The following SLC35F4 variants were observed in gnomAD, a reference collection of about 807,000 sequenced individuals.
SLC35F4 encodes the protein chromosome 14 open reading frame 36.
In SLC35F4, 24 loss-of-function variants were observed where a neutral mutation model predicts 44.2. That is an observed-to-expected ratio of 0.54 (90% CI 0.39 to 0.76). SLC35F4 has a LOEUF of 0.76. SLC35F4 is among the 30% of genes least tolerant of loss of function. The probability of loss-of-function intolerance (pLI) is 0.00; values close to 1 mark genes in which losing one functional copy is unlikely to be tolerated. For synonymous variants in SLC35F4, 238 were observed against 223.6 expected (o/e 1.06, Z -0.57); for missense variants, 562 against 586.1 (o/e 0.96, Z 0.42).
At chr14:57,739,509 A>G (rs1428084088) in intron 1 of SLC35F4, among the ~76,000 whole-genome samples, 3 of 152,244 alleles carry the variant, frequency 2.0e-5, no homozygotes, top group Non-Finnish European at 2.9e-5. Context: ...AAAAGGTAAT[A>G]TCAAATGGGT....
intron 1 of SLC35F4, among the ~76,000 whole-genome samples, chr14:57,843,593 C>T (rs975681062): frequency 6.6e-6 from 1 of 152,116 alleles, no homozygotes; most frequent in South Asian, 2.1e-4. Context: ...TAAACTACCA[C>T]CAACTTTCTC....
chr14:57,671,733 T>C (rs1382635046), intron 1 of SLC35F4, among the ~76,000 whole-genome samples: 1 of 150,702 alleles, frequency 6.6e-6, no homozygotes, highest in Non-Finnish European at 1.5e-5. Context: ...TGCTTGGGAA[T>C]TTACTTACCA....
At chr14:57,779,647 C>T (rs1331997192) in intron 1 of SLC35F4, among the ~76,000 whole-genome samples, 1 of 152,076 alleles carries the variant, frequency 6.6e-6, no homozygotes, top group East Asian at 1.9e-4. Flanking sequence ...AACTTCAGGC[C>T]AATATCCTTA....
intron 1 of SLC35F4, among the ~76,000 whole-genome samples, chr14:57,620,215 A>G (rs2140088829): frequency 6.6e-6 from 1 of 152,302 alleles, no homozygotes; most frequent in Middle Eastern, 3.4e-3. Flanking sequence ...CTCCTTGAGA[A>G]GAGCAACCCC....
chr14:57,964,980 A>AG (rs1890408771), intron 1 of SLC35F4, among the ~76,000 whole-genome samples: 1 of 114,378 alleles, frequency 8.7e-6, no homozygotes, highest in East Asian at 3.5e-4. Context: ...GGGGGAAAAA[A>AG]AAAAAAAAAA....
chr14:57,946,959 T>A (rs1224028898), intron 1 of SLC35F4, among the ~76,000 whole-genome samples: 2 of 152,182 alleles, frequency 1.3e-5, no homozygotes, highest in African/African-American at 2.4e-5. Context: ...TTTGGCTATG[T>A]GGGCTCCTTT....
intron 1 of SLC35F4, among the ~76,000 whole-genome samples, chr14:57,645,024 C>A (rs1341689023): frequency 6.6e-6 from 1 of 152,132 alleles, no homozygotes; most frequent in East Asian, 1.9e-4. Flanking sequence ...GTTACTGTAG[C>A]CTTGTAGTAT....
intron 1 of SLC35F4, among the ~76,000 whole-genome samples, chr14:57,772,377 GTTT>G (rs1436466759): frequency 8.3e-6 from 1 of 121,174 alleles, no homozygotes; most frequent in Non-Finnish European, 1.6e-5. Flanking sequence ...TGTTCTTTTA[GTTT>G]TTATTTTTTT....
chr14:57,734,149 T>C (rs539483448), intron 1 of SLC35F4, among the ~76,000 whole-genome samples: 1 of 152,242 alleles, frequency 6.6e-6, no homozygotes, highest in Non-Finnish European at 1.5e-5. Context: ...AGATATAGGC[T>C]GGAATTAAGT....
chr14:57,952,392 C>T (rs1566512406), intron 1 of SLC35F4, among the ~76,000 whole-genome samples: 1 of 152,082 alleles, frequency 6.6e-6, no homozygotes, highest in African/African-American at 2.4e-5. Flanking sequence ...TCCAAAGGAT[C>T]ACAACTTCTC....
intron 1 of SLC35F4, among the ~76,000 whole-genome samples, chr14:57,636,592 C>T (rs1663852336): frequency 1.3e-5 from 2 of 152,008 alleles, no homozygotes. Flanking sequence ...CTAATGATTG[C>T]TTTATTCCAG....
In SLC35F4 at chr14:57,695,146, C is replaced by T. The variant is rs531626605; in HGVS notation, c.104-101022G>A. Among the ~76,000 whole-genome samples the T allele has an allele frequency of 7.9e-5, 12 of 152,152 alleles. No individual in the cohort carries two copies. The East Asian group carries it at 2.3e-3, about 29-fold the overall frequency. ...ATGTCTAAAACACCAAAAGCAATGG[C>T]AACAAAAGCCAAAATTGACAAATGG... is the stretch of plus-strand genomic sequence containing the variant. On this transcript the variant is annotated intron_variant, in intron 1 of 7. Coordinates refer to ENST00000556826, the MANE Select transcript of SLC35F4 (RefSeq NM_001306087.2).
intron 1 of SLC35F4, among the ~76,000 whole-genome samples, chr14:57,786,979 A>C (rs1033501265): frequency 6.6e-6 from 1 of 152,222 alleles, no homozygotes; most frequent in Admixed American, 6.5e-5. Flanking sequence ...GAGGCACCAG[A>C]GAAAGGTGAA....
intron 1 of SLC35F4, among the ~76,000 whole-genome samples, chr14:57,779,417 C>T (rs887665536): frequency 4.6e-5 from 7 of 152,064 alleles, no homozygotes; most frequent in African/African-American, 1.7e-4. Context: ...CATACGCCCT[C>T]CCAAGACTGA....
chr14:57,809,218 C>T (rs1881691669), intron 1 of SLC35F4, among the ~76,000 whole-genome samples: 1 of 152,182 alleles, frequency 6.6e-6, no homozygotes, highest in South Asian at 2.1e-4. Flanking sequence ...ATGGGCTATT[C>T]TTTTCACAAA....
intron 1 of SLC35F4, among the ~76,000 whole-genome samples, chr14:57,625,332 C>T (rs1401259503): frequency 6.6e-6 from 1 of 152,104 alleles, no homozygotes; most frequent in Non-Finnish European, 1.5e-5. Flanking sequence ...ACATTCCATG[C>T]ACATGGATAG....
At chr14:57,755,995 T>G (rs1356958706) in intron 1 of SLC35F4, among the ~76,000 whole-genome samples, 1 of 152,208 alleles carries the variant, frequency 6.6e-6, no homozygotes, top group Non-Finnish European at 1.5e-5. Context: ...TAGTGATGCC[T>G]TACTCTTTCT....
At chr14:57,910,599 G>A (rs573899766) in intron 1 of SLC35F4, among the ~76,000 whole-genome samples, 1 of 152,032 alleles carries the variant, frequency 6.6e-6, no homozygotes, top group African/African-American at 2.4e-5. Context: ...ATATTTATGT[G>A]GTTCTACTTT....
intron 1 of SLC35F4, among the ~76,000 whole-genome samples, chr14:57,899,841 T>TA (rs1250531188): frequency 6.6e-6 from 1 of 152,178 alleles, no homozygotes; most frequent in Non-Finnish European, 1.5e-5. Context: ...CGGTGAGTGT[T>TA]ACAGCTCTTA....
Sources: allele counts gnomAD v4.1 joint callset (sites outside exome capture counted in the v4.1 genomes callset), GRCh38; gene constraint gnomAD v4.1.1; transcripts MANE v1.5; gene names NCBI Gene and HGNC (gene_info 2026-07-23, HGNC 2026-07-21).